ITGA11: variants seen among roughly 807,000 people sequenced by gnomAD.
ITGA11 encodes the protein integrin subunit alpha 11, also known as integrin alpha-11.
A neutral mutation model predicts 141.9 loss-of-function variants in ITGA11; 97 were observed. That is an observed-to-expected ratio of 0.68 (90% confidence interval 0.58 to 0.81). ITGA11 has a LOEUF of 0.81. ITGA11 is among the 30% of genes least tolerant of loss of function. The pLI is 0.00. For synonymous variants in ITGA11, 658 were observed against 624.6 expected, an observed-to-expected ratio of 1.05 and a Z score of -0.80; for missense variants, 1,387 against 1,559.2, an observed-to-expected ratio of 0.89 and a Z score of 1.86.
intron 1 of ITGA11, among the ~76,000 whole-genome samples, chr15:68,405,596 G>T (rs559753252): frequency 2.6e-5 from 4 of 152,152 alleles, no homozygotes; most frequent in Non-Finnish European, 5.9e-5. Flanking sequence ...GGCTAGCAGC[G>T]GGCAGCCTTG....
At position 68,296,858 on chromosome 15, in the gene ITGA11, G is replaced by C. The variant is rs1192196775; in HGVS notation, c.*6201C>G. 3 of 150,588 alleles carry C rather than the reference G, an allele frequency of 2.0e-5. No individual in the cohort carries two copies. Among genetic ancestry groups the C allele is most frequent in the Non-Finnish European group, 4.4e-5 (3 of 67,748 alleles). The allele number at this position is 150,588 out of a possible 1,614,324, so 9.3% of individuals were successfully genotyped here. Reference sequence around the variant, plus strand: ...TTTCCCCCATGATCTATTTGAAAAAGACACTTTTATGGCTTCCCTTCCCTT... The same window carrying C: ...TTTCCCCCATGATCTATTTGAAAAACACACTTTTATGGCTTCCCTTCCCTT... On this transcript the variant is annotated 3_prime_UTR_variant, in exon 30 of 30. Coordinates refer to ENST00000315757, the MANE Select transcript of ITGA11 (RefSeq NM_001004439.2).
At chr15:68,346,765 C>T (rs1016271409) in intron 10 of ITGA11, among the ~76,000 whole-genome samples, 13 of 152,172 alleles carry the variant, frequency 8.5e-5, no homozygotes, top group East Asian at 3.9e-4. Context: ...AAGCCCTCTC[C>T]GGATCTTTCC....
chr15:68,344,038 G>A (rs1894656850), intron 10 of ITGA11, among the ~76,000 whole-genome samples: 1 of 152,174 alleles, frequency 6.6e-6, no homozygotes, highest in East Asian at 1.9e-4. Context: ...GTTGCCTCCT[G>A]TCAGAGGCCC....
chr15:68,341,636 ATTTGGGG>A (rs2140317576), intron 10 of ITGA11, among the ~76,000 whole-genome samples: 1 of 152,280 alleles, frequency 6.6e-6, no homozygotes, highest in African/African-American at 2.4e-5. Context: ...GGGGCGCAGT[ATTTGGGG>A]TCTGACTTTC....
At chr15:68,360,137 T>C (rs1327567714) in intron 5 of ITGA11, among the ~76,000 whole-genome samples, 1 of 152,210 alleles carries the variant, frequency 6.6e-6, no homozygotes, top group African/African-American at 2.4e-5. Context: ...CTGACACTCC[T>C]GGCCTGGCAG....
Position 68,397,612 on chromosome 15 carries a change from T to G in ITGA11, c.164+5306A>C, listed in dbSNP as rs1268343502. On this transcript the variant is annotated intron_variant, in intron 2 of 29. Coordinates refer to ENST00000315757, the MANE Select transcript of ITGA11 (RefSeq NM_001004439.2). The stretch of plus-strand genomic sequence containing the variant: ...ATATTATAAAATATTTAAAATATTA[T>G]ATTTAAAATATTATATTTAATATAT... 5.4e-5 allele frequency among the ~76,000 whole-genome samples: 5 copies of G among 92,016 alleles called. No individual in the cohort carries two copies. In the East Asian group the frequency reaches 1.4e-3, roughly 26 times the overall value. The allele number at this position is 92,016 out of a possible 152,430, so 60.4% of individuals were successfully genotyped here.
intron 2 of ITGA11, among the ~76,000 whole-genome samples, chr15:68,401,831 T>C (rs1311315716): frequency 6.6e-6 from 1 of 152,210 alleles, no homozygotes. Flanking sequence ...CTTTGTTGTA[T>C]GTATGTTATA....
intron 1 of ITGA11, among the ~76,000 whole-genome samples, chr15:68,423,257 G>A (rs1897061318): frequency 6.6e-6 from 1 of 152,156 alleles, no homozygotes; most frequent in Admixed American, 6.5e-5. Context: ...CTGTATGGCG[G>A]GGGAAGTACA....
chr15:68,432,107 C>G lies in ITGA11; in HGVS notation c.-41G>C. 1 of 1,344,700 alleles carries G rather than the reference C, an allele frequency of 7.4e-7. No individual in the cohort carries two copies. The highest frequency in any genetic ancestry group is 2.2e-5 in the South Asian group (1 of 46,318). The allele number at this position is 1,344,700 out of a possible 1,614,324, so 83.3% of individuals were successfully genotyped here. A position where few individuals can be genotyped will look rare whatever the true frequency, so the allele number is the denominator to read the frequency against. The stretch of plus-strand genomic sequence containing the variant: ...GGCTGGGTCCGGTGTGCAGCGGCGG[C>G]GGGGGGCGGCAAGCCAGAGCGGCAG... On this transcript the variant is annotated 5_prime_UTR_variant, in exon 1 of 30. Coordinates refer to ENST00000315757, the MANE Select transcript of ITGA11 (RefSeq NM_001004439.2).
chr15:68,304,000 T>C lies in ITGA11; in HGVS notation c.3382-115A>G. 2 of 642,684 alleles carry C rather than the reference T, an allele frequency of 3.1e-6. No homozygotes were observed. The highest frequency in any genetic ancestry group is 3.7e-5 in the South Asian group (2 of 54,250). 39.8% of individuals were successfully genotyped at this position (642,684 alleles called of 1,614,324 possible). ...CACCTGGTGGGGGAGCTGCATCCTC[T>C]TCCTCAGGGGGATACCAGAGGGATG... On this transcript the variant is annotated intron_variant, in intron 28 of 29. Coordinates refer to ENST00000315757, the MANE Select transcript of ITGA11 (RefSeq NM_001004439.2). This position sits in a 1 kb window ranked among gnomAD's most constrained non-coding sequence, Gnocchi z 5.3.
intron 2 of ITGA11, among the ~76,000 whole-genome samples, chr15:68,379,618 G>A (rs1000152570): frequency 1.3e-5 from 2 of 152,346 alleles, no homozygotes; most frequent in East Asian, 3.9e-4. Context: ...CAGCCTTGGT[G>A]AGCCCTTGGC....
Position 68,339,418 on chromosome 15 carries a change from G to A in ITGA11, c.1276+82C>T, listed in dbSNP as rs573375677. ...AATATACACAGCAGGCCCCTCACTC[G>A]TGTGTGGGCTGGGGGTTGTGCAGCC... On this transcript the variant is annotated intron_variant, in intron 11 of 29. Transcript: ENST00000315757. 559 of 1,471,248 alleles carry A rather than the reference G, an allele frequency of 3.8e-4. 1 individual carries two copies. The East Asian group carries it at 5.4e-3, about 14-fold the overall frequency. The allele number at this position is 1,471,248 out of a possible 1,614,324, so 91.1% of individuals were successfully genotyped here. A position where few individuals can be genotyped will look rare whatever the true frequency, so the allele number is the denominator to read the frequency against.
intron 2 of ITGA11, among the ~76,000 whole-genome samples, chr15:68,396,376 A>T (rs1182453953): frequency 4.6e-5 from 7 of 152,048 alleles, no homozygotes; most frequent in South Asian, 4.1e-4. Flanking sequence ...CATAATTTTT[A>T]AAAAAACCAA....
intron 2 of ITGA11, among the ~76,000 whole-genome samples, chr15:68,370,219 G>T (rs1306559997): frequency 2.6e-5 from 4 of 152,216 alleles, no homozygotes; most frequent in Admixed American, 2.0e-4. Context: ...TGTTATGGCG[G>T]CCGTAAGGAA....
intron 1 of ITGA11, among the ~76,000 whole-genome samples, chr15:68,424,385 G>T (rs553352602): frequency 4.0e-5 from 6 of 151,866 alleles, no homozygotes; most frequent in Admixed American, 2.0e-4. Context: ...AGAGTGTTTG[G>T]TTTTTTTTGC....
At chr15:68,320,687 T>C (rs566630458) in intron 19 of ITGA11, among the ~76,000 whole-genome samples, 3 of 152,342 alleles carry the variant, frequency 2.0e-5, no homozygotes, top group Admixed American at 6.5e-5. Context: ...CCGCACATCA[T>C]GTTTCCCTTT....
At chr15:68,350,591 A>G (rs763432292) in intron 9 of ITGA11, 26 bp downstream of exon 9, 1 of 1,603,068 alleles carries the variant, frequency 6.2e-7, no homozygotes, top group Non-Finnish European at 8.5e-7. Context: ...GAGAGAGTGG[A>G]TCCCCTCTTA....
rs552676491 is a variant in ITGA11 at position 68,359,604 on chromosome 15, C to T, written c.473-1019G>A. ...GAGGTTGCAGTGAGCCAAGATCGGG[C>T]CACTACACTCCAGCCTGGGTGACAG... On this transcript the variant is annotated intron_variant, in intron 5 of 29. Transcript: ENST00000315757. Among the ~76,000 whole-genome samples, 4 of 152,172 alleles carry T rather than the reference C, an allele frequency of 2.6e-5. No homozygotes were observed. In the East Asian group the frequency reaches 7.7e-4, roughly 29 times the overall value.
At chr15:68,354,835 C>T (rs1895021579) in intron 7 of ITGA11, among the ~76,000 whole-genome samples, 2 of 152,290 alleles carry the variant, frequency 1.3e-5, no homozygotes, top group South Asian at 2.1e-4. Context: ...ATGTTCATGG[C>T]CTGGATCTTT....
Sources: allele counts gnomAD v4.1 joint callset (sites outside exome capture counted in the v4.1 genomes callset), GRCh38; gene constraint gnomAD v4.1.1; non-coding constraint Gnocchi (gnomAD v3.1); transcripts MANE v1.5; gene names NCBI Gene and HGNC (gene_info 2026-07-23, HGNC 2026-07-21).